SLC35F3: variants seen among roughly 807,000 people sequenced by gnomAD.
The protein encoded by SLC35F3 is putative thiamine transporter SLC35F3.
SLC35F3 carries 25 observed loss-of-function variants against 49.9 expected under a neutral mutation model. That is an observed-to-expected ratio of 0.50 (90% CI 0.37 to 0.70). The LOEUF is 0.70. Among genes scored for constraint, SLC35F3 ranks in the 30% least tolerant of loss-of-function variants. The probability of loss-of-function intolerance (pLI) is 0.00; values close to 1 mark genes in which losing one functional copy is unlikely to be tolerated. For synonymous variants in SLC35F3, 275 were observed against 265.4 expected, an observed-to-expected ratio of 1.04 and a Z score of -0.35; for missense variants, 525 against 639.8, an observed-to-expected ratio of 0.82 and a Z score of 1.94.
chr1:234,085,429 C>T (rs573415029), intron 2 of SLC35F3, among the ~76,000 whole-genome samples: 64 of 152,272 alleles, frequency 4.2e-4, no homozygotes, highest in African/African-American at 1.4e-3. Context: ...GGGATTTCTG[C>T]CCAGCCAGAT....
intron 2 of SLC35F3, among the ~76,000 whole-genome samples, chr1:234,102,251 G>A (rs772533211): frequency 6.6e-6 from 1 of 152,226 alleles, no homozygotes; most frequent in Non-Finnish European, 1.5e-5. Flanking sequence ...ATCCAGATCT[G>A]CCATTGCCCT....
chr1:234,007,592 A>G (rs1663649707), intron 2 of SLC35F3, among the ~76,000 whole-genome samples: 1 of 152,128 alleles, frequency 6.6e-6, no homozygotes, highest in African/African-American at 2.4e-5. Flanking sequence ...TCCTCCTGTG[A>G]CTATTCACTT....
At chr1:234,124,036 A>G (rs1665612769) in intron 2 of SLC35F3, among the ~76,000 whole-genome samples, 1 of 152,162 alleles carries the variant, frequency 6.6e-6, no homozygotes, top group Admixed American at 6.5e-5. Flanking sequence ...TGTGAGTTTG[A>G]TGATGTCACA....
chr1:234,075,693 A>G (rs1664780723), intron 2 of SLC35F3, among the ~76,000 whole-genome samples: 1 of 152,214 alleles, frequency 6.6e-6, no homozygotes, highest in African/African-American at 2.4e-5. Context: ...CGTTAAGGAA[A>G]GTAAAGACCC....
intron 2 of SLC35F3, among the ~76,000 whole-genome samples, chr1:233,985,380 G>A (rs1663250920): frequency 6.6e-6 from 1 of 152,202 alleles, no homozygotes; most frequent in Non-Finnish European, 1.5e-5. Flanking sequence ...TGCATAAATT[G>A]TGCAGTCATT....
At chr1:234,053,919 A>G (rs934849710) in intron 2 of SLC35F3, among the ~76,000 whole-genome samples, 5 of 152,190 alleles carry the variant, frequency 3.3e-5, no homozygotes, top group African/African-American at 9.7e-5. Flanking sequence ...TTGGCTTGAT[A>G]TGAAATTCTG....
chr1:233,957,106 G>A lies in SLC35F3; in HGVS notation c.283+51348G>A, dbSNP rs931621748. Reference sequence around the variant, plus strand: ...TTCCTGGTATCCTCTCTCTTACCCCGAAGGTCCAGGACCCTAAGAAACATG... The same window carrying A: ...TTCCTGGTATCCTCTCTCTTACCCCAAAGGTCCAGGACCCTAAGAAACATG... On this transcript the variant is annotated intron_variant, in intron 2 of 7. Transcript: ENST00000366618. This position sits in a 1 kb window ranked among gnomAD's most constrained non-coding sequence, Gnocchi z 4.0. Among the ~76,000 whole-genome samples, 7 of 152,118 alleles carry A rather than the reference G, an allele frequency of 4.6e-5. No homozygotes were observed. The highest frequency in any genetic ancestry group is 1.9e-4 in the East Asian group (1 of 5,192).
intron 2 of SLC35F3, among the ~76,000 whole-genome samples, chr1:234,186,385 G>A (rs891185690): frequency 1.3e-5 from 2 of 152,212 alleles, no homozygotes; most frequent in Non-Finnish European, 2.9e-5. Context: ...GAGATTCAGC[G>A]GAAGGACTGA....
intron 3 of SLC35F3, among the ~76,000 whole-genome samples, chr1:234,253,467 AAG>A (rs1491172610): frequency 8.6e-5 from 13 of 151,620 alleles, no homozygotes; most frequent in African/African-American, 3.2e-4. Flanking sequence ...TAAAAAAAAA[AAG>A]GAGAATAGAT....
intron 2 of SLC35F3, among the ~76,000 whole-genome samples, chr1:233,961,161 A>G (rs1426335832): frequency 1.3e-5 from 2 of 152,176 alleles, no homozygotes; most frequent in Non-Finnish European, 2.9e-5. Context: ...TTAGCGATGG[A>G]TGAAACTCCA....
At chr1:234,076,879 G>A (rs1171036170) in intron 2 of SLC35F3, among the ~76,000 whole-genome samples, 4 of 152,292 alleles carry the variant, frequency 2.6e-5, no homozygotes, top group Non-Finnish European at 5.9e-5. Flanking sequence ...TGGAAATGCA[G>A]AGTTGCCAGT....
chr1:233,988,807 C>G (rs1663306795), intron 2 of SLC35F3, among the ~76,000 whole-genome samples: 1 of 152,136 alleles, frequency 6.6e-6, no homozygotes, highest in Admixed American at 6.5e-5. Context: ...AAAACTTCTG[C>G]CAAGCCTTAC....
chr1:234,125,915 T>C (rs1264112134), intron 2 of SLC35F3, among the ~76,000 whole-genome samples: 1 of 152,172 alleles, frequency 6.6e-6, no homozygotes, highest in Non-Finnish European at 1.5e-5. Context: ...CCGTGCAGTG[T>C]GTGATGAAGA....
chr1:234,081,936 T>TA (rs1553303403), intron 2 of SLC35F3, among the ~76,000 whole-genome samples: 2 of 131,796 alleles, frequency 1.5e-5, no homozygotes, highest in Admixed American at 7.8e-5. Context: ...TTTTTTTTTT[T>TA]AGTAGAGACA....
At chr1:234,020,635 C>T (rs1464887950) in intron 2 of SLC35F3, among the ~76,000 whole-genome samples, 1 of 152,114 alleles carries the variant, frequency 6.6e-6, no homozygotes, top group African/African-American at 2.4e-5. Context: ...TTCAATGACT[C>T]CTATGAACAT....
intron 2 of SLC35F3, among the ~76,000 whole-genome samples, chr1:233,985,273 A>G (rs1663249305): frequency 6.6e-6 from 1 of 152,240 alleles, no homozygotes; most frequent in South Asian, 2.1e-4. Flanking sequence ...AACAGCACAC[A>G]GTAGAGTTTA....
chr1:234,321,047 C>CA (rs1371571943), intron 7 of SLC35F3, among the ~76,000 whole-genome samples: 2 of 118,484 alleles, frequency 1.7e-5, no homozygotes, highest in Non-Finnish European at 3.6e-5. Flanking sequence ...GCCCCCCCCC[C>CA]ACCCCAAAGG....
At chr1:234,042,885 C>T (rs1235288681) in intron 2 of SLC35F3, among the ~76,000 whole-genome samples, 2 of 152,286 alleles carry the variant, frequency 1.3e-5, no homozygotes, top group African/African-American at 4.8e-5. Context: ...CTTCCGCCTT[C>T]GCTCACCCAC....
intron 2 of SLC35F3, among the ~76,000 whole-genome samples, chr1:234,052,034 C>T (rs1057319247): frequency 3.3e-5 from 5 of 152,134 alleles, no homozygotes; most frequent in Non-Finnish European, 7.4e-5. Flanking sequence ...CTGCTGGATT[C>T]GGTTTGCCAG....
Sources: allele counts gnomAD v4.1 joint callset (sites outside exome capture counted in the v4.1 genomes callset), GRCh38; gene constraint gnomAD v4.1.1; non-coding constraint Gnocchi (gnomAD v3.1); transcripts MANE v1.5; gene names NCBI Gene and HGNC (gene_info 2026-07-23, HGNC 2026-07-21).